CYP27C1: variants seen among roughly 807,000 people sequenced by gnomAD.
CYP27C1 encodes cytochrome P450 family 27 subfamily C member 1.
Under a neutral mutation model 40.6 loss-of-function variants are expected in CYP27C1, and 29 were observed. The observed-to-expected ratio is 0.71, with a 90% confidence interval of 0.53 to 0.97. CYP27C1 has a LOEUF of 0.97. Among genes scored for constraint, CYP27C1 ranks in the 50% least tolerant of loss-of-function variants. The probability of loss-of-function intolerance (pLI) is 0.00; values close to 1 mark genes in which losing one functional copy is unlikely to be tolerated. For missense variants in CYP27C1, 390 were observed against 485.8 expected (o/e 0.80, Z 1.85); for synonymous variants, 198 against 186.8 (o/e 1.06, Z -0.49).
At position 127,218,497 on chromosome 2, in the gene CYP27C1, G is replaced by A. The variant is rs1021416754; in HGVS notation, c.282+1492C>T. ...CGGTTTGGAACTGTATAGGGTTGGC[G>A]TGGCGGACTTGAGGAGGGACGGTTG... On this transcript the variant is annotated intron_variant, in intron 1 of 8. Coordinates refer to ENST00000664447, the MANE Select transcript of CYP27C1 (RefSeq NM_001367502.1). This position sits in a 1 kb window ranked among gnomAD's most constrained non-coding sequence, Gnocchi z 6.0. Among the ~76,000 whole-genome samples, 52 of 152,088 alleles carry A rather than the reference G, an allele frequency of 3.4e-4. 1 individual carries two copies. Among genetic ancestry groups the A allele is most frequent in the African/African-American group, 1.2e-3 (49 of 41,400 alleles).
chr2:127,202,265 C>T (rs1373510534), intron 3 of CYP27C1, among the ~76,000 whole-genome samples: 1 of 152,094 alleles, frequency 6.6e-6, no homozygotes, highest in Non-Finnish European at 1.5e-5. Context: ...TCTGGGATTA[C>T]AGGTGCCCGC....
chr2:127,210,541 C>T (rs561158667), intron 1 of CYP27C1, among the ~76,000 whole-genome samples: 1 of 151,834 alleles, frequency 6.6e-6, no homozygotes, highest in South Asian at 2.1e-4. Flanking sequence ...TGGGCAAATC[C>T]CCCAGTTAAA....
intron 1 of CYP27C1, among the ~76,000 whole-genome samples, chr2:127,215,455 C>A (rs944123720): frequency 7.2e-5 from 11 of 152,030 alleles, no homozygotes; most frequent in African/African-American, 2.7e-4. Flanking sequence ...TCTTCATGAC[C>A]CTGGGTTTGG....
At position 127,209,165 on chromosome 2, in the gene CYP27C1, G is replaced by A. The variant is rs1487889264; in HGVS notation, c.283-3075C>T. Among the ~76,000 whole-genome samples, 2 of 152,188 alleles carry A rather than the reference G, an allele frequency of 1.3e-5. No individual in the cohort carries two copies. Among genetic ancestry groups the A allele is most frequent in the African/African-American group, 4.8e-5 (2 of 41,440 alleles). On this transcript the variant is annotated intron_variant, in intron 1 of 8. Coordinates refer to ENST00000664447, the MANE Select transcript of CYP27C1 (RefSeq NM_001367502.1). The surrounding 1 kb of genome is among the most constrained non-coding windows in gnomAD (Gnocchi z 4.1). The stretch of plus-strand genomic sequence containing the variant: ...GAAGGAGCAGGCACCCATCATTGCT[G>A]CACTTCAGCCTCCTTGAGTGACATC...
At chr2:127,212,236 A>C (rs7591760) in intron 1 of CYP27C1, among the ~76,000 whole-genome samples, 62,442 of 152,078 alleles carry the variant, frequency 0.41, 13,632 homozygotes, top group East Asian at 0.61. Flanking sequence ...TTCTACCAGA[A>C]ATACAAAGAG....
At chr2:127,191,622 A>G (rs7606194) in intron 8 of CYP27C1, among the ~76,000 whole-genome samples, 111,928 of 152,174 alleles carry the variant, frequency 0.74, 41,475 homozygotes, top group African/African-American at 0.83. Flanking sequence ...CAGACTCTGT[A>G]CGTGGACTGT....
At position 127,200,624 on chromosome 2, in the gene CYP27C1, A is replaced by G. The variant is rs182572700; in HGVS notation, c.883+498T>C. Among the ~76,000 whole-genome samples the G allele has an allele frequency of 2.8e-4, 42 of 152,296 alleles. No individual in the cohort carries two copies. Among genetic ancestry groups the G allele is most frequent in the East Asian group, 9.6e-4 (5 of 5,182 alleles). On this transcript the variant is annotated intron_variant, in intron 4 of 8. Coordinates refer to ENST00000664447, the MANE Select transcript of CYP27C1 (RefSeq NM_001367502.1). This position sits in a 1 kb window ranked among gnomAD's most constrained non-coding sequence, Gnocchi z 4.2. ...TTATTTTAAAATGAAAAAACTGATC[A>G]TGTTACCTGTAGTCACAACCCACAT...
chr2:127,213,302 A>C (rs1419414219), intron 1 of CYP27C1, among the ~76,000 whole-genome samples: 1 of 91,080 alleles, frequency 1.1e-5, no homozygotes, highest in Non-Finnish European at 2.3e-5. Flanking sequence ...TTCTTCACAG[A>C]ATTAGAAAAA....
intron 8 of CYP27C1, among the ~76,000 whole-genome samples, chr2:127,188,816 A>G (rs1682696953): frequency 6.6e-6 from 1 of 152,140 alleles, no homozygotes; most frequent in Non-Finnish European, 1.5e-5. Context: ...CTTTTAAATA[A>G]TTAAGAGTCA....
chr2:127,203,665 G>T, intron 2 of CYP27C1, 94 bp from the exon 3 acceptor site: 1 of 1,293,198 alleles, frequency 7.7e-7, no homozygotes, highest in East Asian at 2.4e-5. Flanking sequence ...CAGCCATAAA[G>T]AATCAACAAG....
intron 8 of CYP27C1, 27 bp from the exon 9 acceptor site, chr2:127,187,414 T>A: frequency 6.3e-7 from 1 of 1,590,908 alleles, no homozygotes. Context: ...AGAGAAGGGG[T>A]CAGAATTGGA....
chr2:127,213,763 T>A (rs1683377675), intron 1 of CYP27C1, among the ~76,000 whole-genome samples: 1 of 152,140 alleles, frequency 6.6e-6, no homozygotes, highest in Non-Finnish European at 1.5e-5. Flanking sequence ...TCTGCAAAGA[T>A]TTCCTGATGA....
rs1683045656 is a variant in CYP27C1, at chr2:127,202,000, AAAGC to A, written c.674-673_674-670del. ...GAGAAAATTAACATCAGAACTCTGC[AAAGC>A]TAACTTGAGTGAAAGTTGAAGGTAA... On this transcript the variant is annotated intron_variant, in intron 3 of 8. Transcript: ENST00000664447. The surrounding 1 kb of genome is among the most constrained non-coding windows in gnomAD (Gnocchi z 6.0). Among the ~76,000 whole-genome samples the A allele has an allele frequency of 6.6e-6, 1 of 152,226 alleles. No homozygotes were observed. The highest frequency in any genetic ancestry group is 6.5e-5 in the Admixed American group (1 of 15,282).
chr2:127,195,564 C>A lies in CYP27C1; in HGVS notation c.1048-63G>T. On this transcript the variant is annotated intron_variant, in intron 5 of 8. Coordinates refer to ENST00000664447, the MANE Select transcript of CYP27C1 (RefSeq NM_001367502.1). This position sits in a 1 kb window ranked among gnomAD's most constrained non-coding sequence, Gnocchi z 6.2. The stretch of plus-strand genomic sequence containing the variant: ...GTAACACCAGGGACTGAAACAGAGG[C>A]GGTGGCAGGTAGGAAGTCCCCTGGG... The A allele has an allele frequency of 6.4e-7, 1 of 1,561,248 alleles. No homozygotes were observed. The highest frequency in any genetic ancestry group is 1.4e-5 in the African/African-American group (1 of 73,772).
intron 1 of CYP27C1, among the ~76,000 whole-genome samples, chr2:127,207,177 C>A (rs926498830): frequency 2.0e-5 from 3 of 151,906 alleles, no homozygotes; most frequent in African/African-American, 7.3e-5. Flanking sequence ...TAAGGTTGGG[C>A]AACATGGCAA....
chr2:127,216,625 C>T (rs556806432), intron 1 of CYP27C1, among the ~76,000 whole-genome samples: 2 of 152,106 alleles, frequency 1.3e-5, no homozygotes, highest in East Asian at 1.9e-4. Context: ...AAGTTGACTG[C>T]GGTGATGGTT....
rs1682600956 is a variant in CYP27C1, at chr2:127,185,439, T to A, written c.*1832A>T. On this transcript the variant is annotated 3_prime_UTR_variant, in exon 9 of 9. Coordinates refer to ENST00000664447, the MANE Select transcript of CYP27C1 (RefSeq NM_001367502.1). The surrounding 1 kb of genome is among the most constrained non-coding windows in gnomAD (Gnocchi z 4.9). ...CCAGGGAATAAGAGGTCACTTCAAGTCGCTTAGTTATTCTCAATATTTTTA... is the reference window on the plus strand; with the variant it reads ...CCAGGGAATAAGAGGTCACTTCAAGACGCTTAGTTATTCTCAATATTTTTA... 6.6e-6 allele frequency: 1 copy of A among 152,198 alleles called. No individual in the cohort carries two copies. The allele number at this position is 152,198 out of a possible 1,614,324, so 9.4% of individuals were successfully genotyped here. A position where few individuals can be genotyped will look rare whatever the true frequency, so the allele number is the denominator to read the frequency against.
At position 127,220,152 on chromosome 2, in the gene CYP27C1, C is replaced by T. The variant is rs1300810602; in HGVS notation, c.119G>A (p.Gly40Glu). The change falls in exon 1 of 9, where the codon GGG (glycine) becomes GAG (glutamate). Residue 40 changes from glycine (G) to glutamate (E), a missense_variant. Physicochemically the swap from Gly to Glu is moderately conservative, Grantham distance 98 (BLOSUM62 -2). Coordinates refer to ENST00000664447, the MANE Select transcript of CYP27C1 (RefSeq NM_001367502.1). This position sits in a 1 kb window ranked among gnomAD's most constrained non-coding sequence, Gnocchi z 4.6. ...GGCGCCTTTGTCCTCGGCCCGCGCC[C>T]CCGCCGGGAGCCGTGCGCCCGCGGG... ...PQPAGARLPA[G>E]ARAEDKGAGR... 2 of 149,586 alleles carry T rather than the reference C, an allele frequency of 1.3e-5. No homozygotes were observed. Among genetic ancestry groups the T allele is most frequent in the Non-Finnish European group, 3.0e-5 (2 of 67,162 alleles). 9.3% of individuals were successfully genotyped at this position (149,586 alleles called of 1,614,324 possible).
chr2:127,194,630 A>G (rs13001184), intron 6 of CYP27C1, among the ~76,000 whole-genome samples: 67,564 of 151,836 alleles, frequency 0.44, 15,262 homozygotes, highest in East Asian at 0.56. Flanking sequence ...CCCAGATGAG[A>G]ACATTCACTC....
Sources: gnomAD v4.1 joint callset for allele counts (sites outside exome capture counted in the v4.1 genomes callset) on GRCh38, gnomAD v4.1.1 for gene constraint, Gnocchi (gnomAD v3.1) non-coding constraint, MANE v1.5 for transcripts, NCBI Gene and HGNC (gene_info 2026-07-23, HGNC 2026-07-21) for gene names.